Variants in NKAIN2 observed in about 807,000 individuals in gnomAD.
The protein encoded by NKAIN2 is sodium/potassium-transporting ATPase subunit beta-1-interacting protein 2.
NKAIN2 carries 14 observed loss-of-function variants against 32.6 expected under a neutral mutation model. The observed-to-expected ratio is 0.43, with a 90% CI of 0.28 to 0.67. The LOEUF is 0.67. Among genes scored for constraint, NKAIN2 ranks in the 30% least tolerant of loss-of-function variants. The pLI, the probability that NKAIN2 is intolerant of heterozygous loss-of-function variation, is 0.17. For synonymous variants in NKAIN2, 80 were observed against 87.2 expected (o/e 0.92, Z 0.46); for missense variants, 198 against 258.3 (o/e 0.77, Z 1.60).
At chr6:124,582,104 A>G (rs1329665823) in intron 3 of NKAIN2, among the ~76,000 whole-genome samples, 1 of 152,106 alleles carries the variant, frequency 6.6e-6, no homozygotes, top group East Asian at 1.9e-4. Context: ...GACGATAAAC[A>G]AAATCAACAA....
chr6:124,332,126 A>C (rs1208570905), intron 2 of NKAIN2, among the ~76,000 whole-genome samples: 1 of 152,104 alleles, frequency 6.6e-6, no homozygotes, highest in Admixed American at 6.5e-5. Context: ...TTTAAGTGCA[A>C]ACTTTGAACT....
chr6:123,980,820 T>C (rs1408140887), intron 1 of NKAIN2, among the ~76,000 whole-genome samples: 1 of 152,094 alleles, frequency 6.6e-6, no homozygotes, highest in Non-Finnish European at 1.5e-5. Context: ...AAGAATGGAA[T>C]AAGAGAGAGA....
chr6:124,211,458 C>T (rs961572255), intron 1 of NKAIN2, among the ~76,000 whole-genome samples: 3 of 151,830 alleles, frequency 2.0e-5, no homozygotes, highest in African/African-American at 7.2e-5. Flanking sequence ...CACTTTAGGA[C>T]ACTTGTTATT....
chr6:124,270,403 T>G (rs1448680244), intron 1 of NKAIN2, among the ~76,000 whole-genome samples: 1 of 152,124 alleles, frequency 6.6e-6, no homozygotes, highest in Admixed American at 6.5e-5. Flanking sequence ...TTTGGAAACT[T>G]TATCAGCTTT....
intron 1 of NKAIN2, among the ~76,000 whole-genome samples, chr6:124,149,824 T>G (rs2114384413): frequency 6.6e-6 from 1 of 152,260 alleles, no homozygotes; most frequent in African/African-American, 2.4e-5. Flanking sequence ...GTAAGAGCAG[T>G]TAGGTGACTG....
intron 1 of NKAIN2, among the ~76,000 whole-genome samples, chr6:123,930,814 A>G (rs991321956): frequency 3.3e-5 from 5 of 152,182 alleles, no homozygotes; most frequent in African/African-American, 1.2e-4. Flanking sequence ...AGGAGTCTCT[A>G]GTCAGGCACA....
At chr6:124,205,663 T>C (rs1790834971) in intron 1 of NKAIN2, among the ~76,000 whole-genome samples, 1 of 151,568 alleles carries the variant, frequency 6.6e-6, no homozygotes, top group African/African-American at 2.4e-5. Context: ...TCTAAAGATA[T>C]TCACATTTAC....
At chr6:123,935,092 A>C (rs1776436384) in intron 1 of NKAIN2, among the ~76,000 whole-genome samples, 1 of 147,620 alleles carries the variant, frequency 6.8e-6, no homozygotes. Flanking sequence ...TGGAATATAT[A>C]GATATTTCAT....
At chr6:123,804,348 C>A in intron 1 of NKAIN2, 94 bp downstream of exon 1, 3 of 1,057,106 alleles carry the variant, frequency 2.8e-6, no homozygotes, top group Non-Finnish European at 4.4e-6. Context: ...CTAGAATGGA[C>A]GAAAAAGATA....
At chr6:123,855,730 G>T (rs550081904) in intron 1 of NKAIN2, among the ~76,000 whole-genome samples, 1 of 152,200 alleles carries the variant, frequency 6.6e-6, no homozygotes, top group Non-Finnish European at 1.5e-5. Flanking sequence ...AAGGCTATTT[G>T]TGTATCCTGC....
intron 4 of NKAIN2, among the ~76,000 whole-genome samples, chr6:124,757,073 AT>A (rs1777997578): frequency 7.2e-6 from 1 of 139,744 alleles, no homozygotes; most frequent in Admixed American, 7.3e-5. Flanking sequence ...CTGTGTATTC[AT>A]TTGTAATCTT....
chr6:124,496,717 A>G (rs900108688), intron 3 of NKAIN2, among the ~76,000 whole-genome samples: 2 of 152,152 alleles, frequency 1.3e-5, no homozygotes, highest in Non-Finnish European at 2.9e-5. Flanking sequence ...CTGCTTGAGG[A>G]ATACATAGCA....
At chr6:124,478,451 C>G (rs1777316791) in intron 3 of NKAIN2, among the ~76,000 whole-genome samples, 1 of 152,122 alleles carries the variant, frequency 6.6e-6, no homozygotes, top group African/African-American at 2.4e-5. Context: ...CCTGGAGCAT[C>G]TGGTAGTGTC....
intron 3 of NKAIN2, among the ~76,000 whole-genome samples, chr6:124,422,161 T>G (rs1452432692): frequency 1.3e-5 from 2 of 152,142 alleles, no homozygotes; most frequent in African/African-American, 4.8e-5. Flanking sequence ...TTATTTTTAA[T>G]TTAGTATATG....
chr6:124,308,193 C>G (rs1420475663), intron 2 of NKAIN2, among the ~76,000 whole-genome samples: 1 of 151,854 alleles, frequency 6.6e-6, no homozygotes, highest in Non-Finnish European at 1.5e-5. Flanking sequence ...TCCCTGTAAC[C>G]ATGTGTTCTC....
chr6:123,866,088 A>C (rs552850655), intron 1 of NKAIN2, among the ~76,000 whole-genome samples: 57 of 152,300 alleles, frequency 3.7e-4, no homozygotes, highest in African/African-American at 1.3e-3. Context: ...TTTATTACTT[A>C]AGTAAAGCTG....
intron 1 of NKAIN2, among the ~76,000 whole-genome samples, chr6:123,825,136 C>CT (rs997030733): frequency 9.2e-5 from 14 of 152,026 alleles, no homozygotes; most frequent in Non-Finnish European, 1.6e-4. Flanking sequence ...TCCCCTGAGT[C>CT]TTTTTTAAAA....
chr6:124,324,021 G>A (rs1006220056), intron 2 of NKAIN2, among the ~76,000 whole-genome samples: 13 of 151,872 alleles, frequency 8.6e-5, no homozygotes, highest in Non-Finnish European at 1.6e-4. Flanking sequence ...TCGATCTCCT[G>A]ACCTCGTGAT....
chr6:124,349,603 G>C lies in NKAIN2; in HGVS notation c.193-5664G>C, dbSNP rs993743337. Among the ~76,000 whole-genome samples the C allele has an allele frequency of 2.6e-5, 4 of 152,068 alleles. No homozygotes were observed. The South Asian group carries it at 8.3e-4, about 32-fold the overall frequency. The stretch of plus-strand genomic sequence containing the variant: ...CTTCTGTTGCAGTCACTTGCATCCA[G>C]CTGGTATTTAATAAAAGTGAACTCA... On this transcript the variant is annotated intron_variant, in intron 2 of 6. Coordinates refer to ENST00000368417, the MANE Select transcript of NKAIN2 (RefSeq NM_001040214.3).
Sources: allele counts gnomAD v4.1 joint callset (sites outside exome capture counted in the v4.1 genomes callset), GRCh38; gene constraint gnomAD v4.1.1; transcripts MANE v1.5; gene names NCBI Gene and HGNC (gene_info 2026-07-23, HGNC 2026-07-21).